NLRP3: variants seen among roughly 807,000 people sequenced by gnomAD.
NLRP3 encodes the protein NACHT, LRR and PYD domains-containing protein 3.
Under a neutral mutation model 91.3 loss-of-function variants are expected in NLRP3, and 48 were observed. The ratio of observed to expected loss-of-function variants is 0.53; its 90% CI spans 0.42 to 0.67. NLRP3 has a LOEUF of 0.67. NLRP3 is among the 30% of genes least tolerant of loss of function. The probability of loss-of-function intolerance (pLI) is 0.00; values close to 1 mark genes in which losing one functional copy is unlikely to be tolerated. For synonymous variants in NLRP3, 561 were observed against 507.9 expected (o/e 1.10, Z -1.41); for missense variants, 982 against 1,276.9 (o/e 0.77, Z 3.52).
intron 1 of NLRP3, among the ~76,000 whole-genome samples, chr1:247,417,798 C>G (rs919587001): frequency 2.6e-5 from 4 of 152,138 alleles, no homozygotes; most frequent in Admixed American, 2.6e-4. Context: ...ATTATGCACT[C>G]CCAGCTTCAT....
rs970218417 is a variant in NLRP3, at chr1:247,421,551, C to T, written c.278-1679C>T. ...ACAACTGTAGAAGTACTTTGCTAAG[C>T]AGTTTTTATGGATTTTATGGCACAT... On this transcript the variant is annotated intron_variant, in intron 2 of 9. Coordinates refer to ENST00000336119, the MANE Select transcript of NLRP3 (RefSeq NM_001243133.2). Among the ~76,000 whole-genome samples the T allele has an allele frequency of 1.7e-4, 26 of 152,170 alleles. 1 individual carries two copies. The highest frequency in any genetic ancestry group is 1.7e-3 in the Admixed American group (26 of 15,278).
At chr1:247,442,995 G>A (rs910928954) in intron 7 of NLRP3, among the ~76,000 whole-genome samples, 1 of 152,026 alleles carries the variant, frequency 6.6e-6, no homozygotes, top group Admixed American at 6.5e-5. Context: ...TGGCAATCTC[G>A]GCTCACTGCA....
In NLRP3 at chr1:247,425,542, A is replaced by G. The variant is rs1278514134; in HGVS notation, c.2093A>G (p.His698Arg). The G allele has an allele frequency of 6.2e-7, 1 of 1,612,996 alleles. No individual in the cohort carries two copies. Among genetic ancestry groups the G allele is most frequent in the African/African-American group, 1.3e-5 (1 of 74,914 alleles). Residue 698 changes from histidine (H) to arginine (R), a missense_variant, in exon 4 of 10, where the codon CAC becomes CGC. His to Arg is a conservative substitution (Grantham distance 29). Around this residue, in one of 5 missense-constraint regions of NLRP3, gnomAD observed 373 missense variants for 431.5 expected, o/e 0.86. Coordinates refer to ENST00000336119, the MANE Select transcript of NLRP3 (RefSeq NM_001243133.2). This position sits in a 1 kb window ranked among gnomAD's most constrained non-coding sequence, Gnocchi z 4.1. ...GAGGAGGAGGAAAAGGAAGGCCGACACCTTGATATGGTGCAGTGTGTCCTC... is the reference window on the plus strand; with the variant it reads ...GAGGAGGAGGAAAAGGAAGGCCGACGCCTTGATATGGTGCAGTGTGTCCTC... ...EEEEEEKEGRHLDMVQCVLPS... is the reference protein window; with the variant it reads ...EEEEEEKEGRRLDMVQCVLPS...
chr1:247,419,401 C>A (rs1008674806), intron 2 of NLRP3, among the ~76,000 whole-genome samples: 1 of 151,964 alleles, frequency 6.6e-6, no homozygotes, highest in Non-Finnish European at 1.5e-5. Context: ...GTGATCCACC[C>A]GCCTCGGCCT....
At position 247,429,541 on chromosome 1, in the gene NLRP3, T is replaced by G. The variant is rs1179042974; in HGVS notation, c.2151-44T>G. On this transcript the variant is annotated intron_variant, in intron 4 of 9. Transcript: ENST00000336119. ...GCCCCCAGCTCCAGTTAGTTATTAT[T>G]CGAGGCTGATTTCTTTTCTGTCTGT... 9 of 1,607,570 alleles carry G rather than the reference T, an allele frequency of 5.6e-6. No homozygotes were observed. In the African/African-American group the frequency reaches 1.2e-4, roughly 21 times the overall value.
chr1:247,418,786 CA>C lies in NLRP3; in HGVS notation c.-14del. On this transcript the variant is annotated 5_prime_UTR_variant, in exon 2 of 10. Transcript: ENST00000336119. ...GACCGAAGCCTAAGGACCCTGAAAA[CA>C]GCTGCAGATGAAGATGGCAAGCACC... is the stretch of plus-strand genomic sequence containing the variant. 6.2e-7 allele frequency: 1 copy of C among 1,613,346 alleles called. No individual in the cohort carries two copies. The highest frequency in any genetic ancestry group is 8.5e-7 in the Non-Finnish European group (1 of 1,180,026).
intron 5 of NLRP3, among the ~76,000 whole-genome samples, chr1:247,431,185 A>AAAT (rs549986882): frequency 0.02 from 3,087 of 150,982 alleles, 72 homozygotes; most frequent in Admixed American, 0.071. Context: ...TTCCATTTCA[A>AAAT]AATAATAATA....
At chr1:247,441,031 C>A (rs1664173176) in intron 7 of NLRP3, among the ~76,000 whole-genome samples, 1 of 152,142 alleles carries the variant, frequency 6.6e-6, no homozygotes, top group South Asian at 2.1e-4. Context: ...GTCAAGCACA[C>A]AATAAATACT....
In NLRP3 at chr1:247,437,056, G is replaced by C. The variant is rs569990891; in HGVS notation, c.2663+916G>C. Among the ~76,000 whole-genome samples the C allele has an allele frequency of 3.3e-5, 5 of 152,324 alleles. No homozygotes were observed. In the East Asian group the frequency reaches 9.6e-4, roughly 29 times the overall value. Reference sequence around the variant, plus strand: ...TGGAACTCAGTGTAGACAAACGTCTGTGACCTCCCAAGCCACTGCCTTAAT... The same window carrying C: ...TGGAACTCAGTGTAGACAAACGTCTCTGACCTCCCAAGCCACTGCCTTAAT... On this transcript the variant is annotated intron_variant, in intron 7 of 9. Transcript: ENST00000336119.
chr1:247,438,319 T>C (rs1663938103), intron 7 of NLRP3, among the ~76,000 whole-genome samples: 1 of 151,544 alleles, frequency 6.6e-6, no homozygotes, highest in Non-Finnish European at 1.5e-5. Flanking sequence ...TCCCCCTCCC[T>C]GGATCCTGCA....
rs58966539 is a variant in NLRP3 at position 247,448,268 on chromosome 1, C to CTTTT, written c.3006-118_3006-115dup. ...GAGCACTCTGGGAGTTGTGGTCCCT[C>CTTTT]TTTTTTTTTTTTTTTTTTTTTTACA... On this transcript the variant is annotated intron_variant, in intron 9 of 9. Transcript: ENST00000336119. The CTTTT allele has an allele frequency of 4.7e-3, 1,675 of 358,380 alleles. 25 individuals are homozygous for CTTTT. The highest frequency in any genetic ancestry group is 0.036 in the African/African-American group (1,249 of 34,806). 22.2% of individuals were successfully genotyped at this position (358,380 alleles called of 1,614,324 possible).
intron 1 of NLRP3, among the ~76,000 whole-genome samples, chr1:247,417,111 T>C (rs1039998766): frequency 1.3e-5 from 2 of 152,200 alleles, no homozygotes; most frequent in African/African-American, 4.8e-5. Context: ...AATGCTGCAG[T>C]GATACACCTG....
At chr1:247,445,928 T>C (rs1056210366) in intron 9 of NLRP3, among the ~76,000 whole-genome samples, 2 of 152,194 alleles carry the variant, frequency 1.3e-5, no homozygotes, top group Non-Finnish European at 2.9e-5. Flanking sequence ...CTCCAGATTA[T>C]ATGTCCATAA....
Position 247,418,788 on chromosome 1 carries a change from G to C in NLRP3, c.-13G>C. 6.2e-7 allele frequency: 1 copy of C among 1,613,414 alleles called. No individual in the cohort carries two copies. Among genetic ancestry groups the C allele is most frequent in the Non-Finnish European group, 8.5e-7 (1 of 1,180,028 alleles). On this transcript the variant is annotated 5_prime_UTR_variant, in exon 2 of 10. Transcript: ENST00000336119. Reference sequence around the variant, plus strand: ...CCGAAGCCTAAGGACCCTGAAAACAGCTGCAGATGAAGATGGCAAGCACCC... The same window carrying C: ...CCGAAGCCTAAGGACCCTGAAAACACCTGCAGATGAAGATGGCAAGCACCC...
At chr1:247,432,895 C>A (rs1021614962) in intron 5 of NLRP3, among the ~76,000 whole-genome samples, 1 of 151,830 alleles carries the variant, frequency 6.6e-6, no homozygotes, top group African/African-American at 2.4e-5. Flanking sequence ...GGAAACTAAT[C>A]AAGAATCAGA....
chr1:247,444,553 T>C, intron 8 of NLRP3, 98 bp from the exon 9 acceptor site: 1 of 1,332,732 alleles, frequency 7.5e-7, no homozygotes, highest in East Asian at 2.3e-5. Flanking sequence ...TGCTTTTTTT[T>C]TTTCCACCTG....
chr1:247,436,879 T>C (rs1024169234), intron 7 of NLRP3, among the ~76,000 whole-genome samples: 12 of 152,362 alleles, frequency 7.9e-5, no homozygotes, highest in Admixed American at 7.8e-4. Context: ...TTTCCCTGTA[T>C]CACCTGCTCT....
chr1:247,419,099 A>G (rs199692916), intron 2 of NLRP3, 22 bp downstream of exon 2: 2 of 1,598,424 alleles, frequency 1.3e-6, no homozygotes, highest in African/African-American at 2.7e-5. Context: ...GAAGACTTTT[A>G]AAAAAAATTG....
intron 7 of NLRP3, among the ~76,000 whole-genome samples, chr1:247,437,096 C>T (rs896861317): frequency 3.9e-5 from 6 of 152,188 alleles, no homozygotes; most frequent in South Asian, 2.1e-4. Context: ...AGTGCATTGC[C>T]TTAGGAGATG....
Sources: gnomAD v4.1 joint callset for allele counts (sites outside exome capture counted in the v4.1 genomes callset) on GRCh38, gnomAD v4.1.1 for gene constraint, gnomAD v4.1.1 regional missense constraint, Gnocchi (gnomAD v3.1) non-coding constraint, MANE v1.5 for transcripts, NCBI Gene and HGNC (gene_info 2026-07-23, HGNC 2026-07-21) for gene names.